Variants in LYPD1 observed in about 807,000 individuals in gnomAD.
The protein encoded by LYPD1 is LY6/PLAUR domain containing 1.
LYPD1 carries 14 observed loss-of-function variants against 14.2 expected under a neutral mutation model. The ratio of observed to expected loss-of-function variants is 0.99; its 90% CI spans 0.65 to 1.54. LYPD1 has a LOEUF of 1.54. Among genes scored for constraint, LYPD1 ranks in the 40% most tolerant of loss-of-function variants. The pLI is 0.00. For synonymous variants in LYPD1, 85 were observed against 70.6 expected (o/e 1.20, Z -1.02); for missense variants, 165 against 175.7 (o/e 0.94, Z 0.34).
chr2:132,668,334 T>C lies in LYPD1; in HGVS notation c.190+66A>G, dbSNP rs894212640. The stretch of plus-strand genomic sequence containing the variant: ...GTCAGTCCTTTTTCCTGCTATTTAA[T>C]GGCCCCCTCACTCCCACCCCACAGC... On this transcript the variant is annotated intron_variant, in intron 2 of 2. Coordinates refer to ENST00000397463, the MANE Select transcript of LYPD1 (RefSeq NM_144586.7). 19 of 1,508,042 alleles carry C rather than the reference T, an allele frequency of 1.3e-5. No individual in the cohort carries two copies. In the African/African-American group the frequency reaches 2.4e-4, roughly 19 times the overall value. 93.4% of individuals were successfully genotyped at this position (1,508,042 alleles called of 1,614,324 possible).
chr2:132,645,968 A>C lies in LYPD1; in HGVS notation c.*77T>G, dbSNP rs1682047395. Reference sequence around the variant, plus strand: ...CCAGAATAAAAGGACACCCAGAAGAAACTCACTCAGGGAGGTGGGGGGTTG... The same window carrying C: ...CCAGAATAAAAGGACACCCAGAAGACACTCACTCAGGGAGGTGGGGGGTTG... On this transcript the variant is annotated 3_prime_UTR_variant, in exon 3 of 3. Transcript: ENST00000397463. 2 of 1,114,112 alleles carry C rather than the reference A, an allele frequency of 1.8e-6. No individual in the cohort carries two copies. The highest frequency in any genetic ancestry group is 3.4e-5 in the South Asian group (2 of 59,538). 69.0% of individuals were successfully genotyped at this position (1,114,112 alleles called of 1,614,324 possible).
intron 2 of LYPD1, among the ~76,000 whole-genome samples, chr2:132,653,885 A>T (rs138594931): frequency 6.6e-6 from 1 of 152,208 alleles, no homozygotes; most frequent in Non-Finnish European, 1.5e-5. Flanking sequence ...AAACTGAGGG[A>T]CAGTGTACAA....
At chr2:132,646,516 A>G (rs1387679438) in intron 2 of LYPD1, 2 of 385,684 alleles carry the variant, frequency 5.2e-6, no homozygotes, top group African/African-American at 4.1e-5. Flanking sequence ...TGAGATGCCA[A>G]TACCTGTGAA....
rs933329032 is a variant in LYPD1, at chr2:132,644,443, G to C, written c.*1602C>G. Among the ~76,000 whole-genome samples the C allele has an allele frequency of 2.0e-5, 3 of 152,226 alleles. No individual in the cohort carries two copies. Among genetic ancestry groups the C allele is most frequent in the African/African-American group, 4.8e-5 (2 of 41,454 alleles). On this transcript the variant is annotated 3_prime_UTR_variant, in exon 3 of 3. Coordinates refer to ENST00000397463, the MANE Select transcript of LYPD1 (RefSeq NM_144586.7). ...TTTTCCCCACATGAGGGATCTAAAA[G>C]TGTCTGAAAAGAAACACATATGCTG...
rs1313173228 is a variant in LYPD1, at chr2:132,645,216, C to A, written c.*829G>T. On this transcript the variant is annotated 3_prime_UTR_variant, in exon 3 of 3. Transcript: ENST00000397463. ...GGTCCTACTTCCGGGCGTACATGATCCTCCTCCCCTTCTCGGAGACGTTTT... is the reference window on the plus strand; with the variant it reads ...GGTCCTACTTCCGGGCGTACATGATACTCCTCCCCTTCTCGGAGACGTTTT... The A allele has an allele frequency of 5.0e-6, 8 of 1,614,164 alleles. No homozygotes were observed. The highest frequency in any genetic ancestry group is 6.8e-6 in the Non-Finnish European group (8 of 1,180,026).
rs978085205 is a variant in LYPD1, at chr2:132,644,758, C to G, written c.*1287G>C. 1.7e-5 allele frequency: 4 copies of G among 239,700 alleles called. No homozygotes were observed. The highest frequency in any genetic ancestry group is 3.2e-5 in the Non-Finnish European group (4 of 125,208). 14.8% of individuals were successfully genotyped at this position (239,700 alleles called of 1,614,324 possible). A position where few individuals can be genotyped will look rare whatever the true frequency, so the allele number is the denominator to read the frequency against. The stretch of plus-strand genomic sequence containing the variant: ...TCTTTAAAACAAAAAAAGACAAAAC[C>G]AGATTTATGGATAACATGAACTGCT... On this transcript the variant is annotated 3_prime_UTR_variant, in exon 3 of 3. Coordinates refer to ENST00000397463, the MANE Select transcript of LYPD1 (RefSeq NM_144586.7).
chr2:132,658,813 T>C (rs1682753956), intron 2 of LYPD1, among the ~76,000 whole-genome samples: 1 of 152,116 alleles, frequency 6.6e-6, no homozygotes, highest in Non-Finnish European at 1.5e-5. Context: ...CATAAAACCA[T>C]GTGGGGGGAT....
chr2:132,666,100 A>G (rs1173124058), intron 2 of LYPD1, among the ~76,000 whole-genome samples: 1 of 152,168 alleles, frequency 6.6e-6, no homozygotes. Flanking sequence ...ATTTCACGAG[A>G]TTCTATATGT....
At position 132,651,629 on chromosome 2, in the gene LYPD1, T is replaced by G. The variant is rs772989599; in HGVS notation, c.191-5349A>C. 5.8e-4 allele frequency among the ~76,000 whole-genome samples: 89 copies of G among 152,346 alleles called. 2 individuals carry two copies. Among genetic ancestry groups the G allele is most frequent in the Middle Eastern group, 3.4e-3 (1 of 294 alleles). ...CATCCTTAATAGGGGAAAGGTACAT[T>G]TATACTATACATATTAAGCAGCAGT... On this transcript the variant is annotated intron_variant, in intron 2 of 2. Coordinates refer to ENST00000397463, the MANE Select transcript of LYPD1 (RefSeq NM_144586.7).
intron 2 of LYPD1, among the ~76,000 whole-genome samples, chr2:132,662,300 A>T (rs534603276): frequency 6.6e-6 from 1 of 152,196 alleles, no homozygotes; most frequent in African/African-American, 2.4e-5. Context: ...CGCATTTCTC[A>T]TTCTCTTGCT....
intron 2 of LYPD1, among the ~76,000 whole-genome samples, chr2:132,663,316 C>A (rs553547919): frequency 6.6e-6 from 1 of 152,258 alleles, no homozygotes; most frequent in African/African-American, 2.4e-5. Context: ...CTCTGTTGCC[C>A]AGGCTGGAGT....
In LYPD1 at chr2:132,664,395, A is replaced by G. The variant is rs527755370; in HGVS notation, c.190+4005T>C. Among the ~76,000 whole-genome samples the G allele has an allele frequency of 9.2e-5, 14 of 152,338 alleles. 1 individual carries two copies. The South Asian group carries it at 1.9e-3, about 20-fold the overall frequency. Reference sequence around the variant, plus strand: ...AATAAGGTGTAAAACTAAACTATCCAAGATATGAAGCCATCCCTGCCCAAC... The same window carrying G: ...AATAAGGTGTAAAACTAAACTATCCGAGATATGAAGCCATCCCTGCCCAAC... On this transcript the variant is annotated intron_variant, in intron 2 of 2. Transcript: ENST00000397463.
At chr2:132,654,740 C>CATTTATTT (rs67623007) in intron 2 of LYPD1, among the ~76,000 whole-genome samples, 7 of 149,784 alleles carry the variant, frequency 4.7e-5, no homozygotes, top group East Asian at 2.0e-4. Flanking sequence ...GCCTCTTTCC[C>CATTTATTT]ATTTATTTAT....
rs961273375 is a variant in LYPD1, at chr2:132,669,871, G to A, written c.52+10C>T. ...CCTGGCCTCGGCTGCTGGCCTCTGG[G>A]TATTCTCACCTGGAAGCAAGAACAA... On this transcript the variant is annotated intron_variant, in intron 1 of 2. Coordinates refer to ENST00000397463, the MANE Select transcript of LYPD1 (RefSeq NM_144586.7). This position sits in a 1 kb window ranked among gnomAD's most constrained non-coding sequence, Gnocchi z 4.3. 6.2e-7 allele frequency: 1 copy of A among 1,612,356 alleles called. No homozygotes were observed.
intron 2 of LYPD1, among the ~76,000 whole-genome samples, chr2:132,655,655 C>T (rs982981743): frequency 5.9e-5 from 9 of 151,716 alleles, no homozygotes; most frequent in Admixed American, 1.3e-4. Flanking sequence ...GCTGGGACTA[C>T]AGGTGCCTGC....
At chr2:132,670,255 C>T (rs1308171139), upstream of LYPD1, 1 of 550,450 alleles carries the variant, frequency 1.8e-6, no homozygotes, top group Non-Finnish European at 2.7e-6. This position sits in a 1 kb window ranked among gnomAD's most constrained non-coding sequence, Gnocchi z 4.5. Flanking sequence ...TTTCTCCCCA[C>T]CTCCCACTCC....
chr2:132,652,240 T>G (rs574897700), intron 2 of LYPD1, among the ~76,000 whole-genome samples: 1 of 152,102 alleles, frequency 6.6e-6, no homozygotes, highest in Admixed American at 6.5e-5. Context: ...GAACGTAAGC[T>G]CCAGCAATCA....
rs1299261201 is a variant in LYPD1, at chr2:132,646,407, AG to A, written c.191-128del. The A allele has an allele frequency of 1.0e-5, 5 of 493,674 alleles. No homozygotes were observed. The East Asian group carries it at 1.7e-4, about 17-fold the overall frequency. The allele number at this position is 493,674 out of a possible 1,614,324, so 30.6% of individuals were successfully genotyped here. A position where few individuals can be genotyped will look rare whatever the true frequency, so the allele number is the denominator to read the frequency against. ...CACAGCCCAGAGACTAGGTGAGGTC[AG>A]GGAAGTGCTTCGGATTGTCTCATTG... On this transcript the variant is annotated intron_variant, in intron 2 of 2. Transcript: ENST00000397463.
At position 132,666,415 on chromosome 2, in the gene LYPD1, C is replaced by A. The variant is rs1343740360; in HGVS notation, c.190+1985G>T. The stretch of plus-strand genomic sequence containing the variant: ...CACACACCCCGACCTAGCATCCTTC[C>A]CTTCAAAACTTTTTCCTTTGAGTTC... On this transcript the variant is annotated intron_variant, in intron 2 of 2. Coordinates refer to ENST00000397463, the MANE Select transcript of LYPD1 (RefSeq NM_144586.7). Among the ~76,000 whole-genome samples, 8 of 152,254 alleles carry A rather than the reference C, an allele frequency of 5.3e-5. No homozygotes were observed. The East Asian group carries it at 1.4e-3, about 26-fold the overall frequency.
Sources: gnomAD v4.1 joint callset for allele counts (sites outside exome capture counted in the v4.1 genomes callset) on GRCh38, gnomAD v4.1.1 for gene constraint, Gnocchi (gnomAD v3.1) non-coding constraint, MANE v1.5 for transcripts, NCBI Gene and HGNC (gene_info 2026-07-23, HGNC 2026-07-21) for gene names.